The following SLC44A1 variants were observed in gnomAD, a reference collection of about 807,000 sequenced individuals.
SLC44A1 encodes the protein solute carrier family 44 member 1.
SLC44A1 carries 26 observed loss-of-function variants against 79.3 expected under a neutral mutation model. The ratio of observed to expected loss-of-function variants is 0.33; its 90% CI spans 0.24 to 0.46. The LOEUF (loss-of-function observed/expected upper bound fraction) is 0.46. Among genes scored for constraint, SLC44A1 ranks in the 20% least tolerant of loss-of-function variants. The pLI, the probability that SLC44A1 is intolerant of heterozygous loss-of-function variation, is 1.00. For synonymous variants in SLC44A1, 263 were observed against 286.2 expected, an observed-to-expected ratio of 0.92 and a Z score of 0.82; for missense variants, 688 against 798.1, an observed-to-expected ratio of 0.86 and a Z score of 1.66.
chr9:105,288,638 C>T (rs1830531622), intron 1 of SLC44A1, among the ~76,000 whole-genome samples: 1 of 152,224 alleles, frequency 6.6e-6, no homozygotes, highest in Non-Finnish European at 1.5e-5. Flanking sequence ...CATGAGCCAC[C>T]ATGCCTGGTC....
intron 15 of SLC44A1, among the ~76,000 whole-genome samples, chr9:105,426,538 T>A (rs1203448767): frequency 6.6e-6 from 1 of 152,188 alleles, no homozygotes; most frequent in African/African-American, 2.4e-5. Flanking sequence ...TTGAGCAGCT[T>A]TTAGGAGTGA....
chr9:105,332,514 C>A (rs1039798840), intron 3 of SLC44A1, among the ~76,000 whole-genome samples: 18 of 152,118 alleles, frequency 1.2e-4, no homozygotes, highest in Middle Eastern at 3.2e-3. Flanking sequence ...ATGTGTATTT[C>A]TTATTCAAAT....
At chr9:105,265,712 C>A (rs1017168878) in intron 1 of SLC44A1, among the ~76,000 whole-genome samples, 2 of 152,194 alleles carry the variant, frequency 1.3e-5, no homozygotes, top group African/African-American at 4.8e-5. Flanking sequence ...TGGGCTGTAC[C>A]ATTGTGCATT....
Position 105,332,309 on chromosome 9 carries a change from G to A in SLC44A1, c.270-3254G>A, listed in dbSNP as rs1269729174. On this transcript the variant is annotated intron_variant, in intron 3 of 15. Transcript: ENST00000374720. ...TAATTTTTGTGTTTTTGGTAGAGAT[G>A]GGGTTTCACCATGTTGTCCAGGCTT... Among the ~76,000 whole-genome samples the A allele has an allele frequency of 3.3e-5, 5 of 151,790 alleles. No individual in the cohort carries two copies. The South Asian group carries it at 6.2e-4, about 19-fold the overall frequency.
chr9:105,370,183 C>G (rs1377339643), intron 12 of SLC44A1, among the ~76,000 whole-genome samples: 1 of 152,180 alleles, frequency 6.6e-6, no homozygotes, highest in East Asian at 1.9e-4. Flanking sequence ...ACAAAGGACT[C>G]CGAAATTCTT....
chr9:105,365,386 A>T, intron 10 of SLC44A1, 97 bp from the exon 11 acceptor site: 1 of 830,492 alleles, frequency 1.2e-6, no homozygotes, highest in African/African-American at 1.7e-5. Context: ...TGATGAGCTG[A>T]TTTTTTTTTT....
chr9:105,390,256 A>C lies in SLC44A1; in HGVS notation c.*1200A>C, dbSNP rs1828729102. The stretch of plus-strand genomic sequence containing the variant: ...AATACTCCATTGTTCTGCTTGTTGT[A>C]ATGGTGAATGCTTTAAGAAAAAAAA... On this transcript the variant is annotated 3_prime_UTR_variant, in exon 16 of 16. Transcript: ENST00000374720. 9.4e-7 allele frequency: 1 copy of C among 1,059,074 alleles called. No homozygotes were observed. The highest frequency in any genetic ancestry group is 1.1e-6 in the Non-Finnish European group (1 of 878,224). The allele number at this position is 1,059,074 out of a possible 1,614,324, so 65.6% of individuals were successfully genotyped here.
rs1198932266 is a variant in SLC44A1 at position 105,393,858 on chromosome 9, C to G, written c.*4802C>G. 1.0e-6 allele frequency: 1 copy of G among 984,218 alleles called. No homozygotes were observed. Among genetic ancestry groups the G allele is most frequent in the African/African-American group, 1.7e-5 (1 of 57,174 alleles). The allele number at this position is 984,218 out of a possible 1,614,324, so 61.0% of individuals were successfully genotyped here. A position where few individuals can be genotyped will look rare whatever the true frequency, so the allele number is the denominator to read the frequency against. On this transcript the variant is annotated 3_prime_UTR_variant, in exon 16 of 16. Coordinates refer to ENST00000374720, the MANE Select transcript of SLC44A1 (RefSeq NM_080546.5). Reference sequence around the variant, plus strand: ...AAATGATTTTCTCCAGGACACGGAGCTCAGAATAATAAAGCTTTTATTAAT... The same window carrying G: ...AAATGATTTTCTCCAGGACACGGAGGTCAGAATAATAAAGCTTTTATTAAT...
At chr9:105,410,950 T>C (rs1232619054) in intron 15 of SLC44A1, among the ~76,000 whole-genome samples, 1 of 152,212 alleles carries the variant, frequency 6.6e-6, no homozygotes, top group Non-Finnish European at 1.5e-5. Context: ...CCACATATTG[T>C]ATGATTCCAT....
intron 1 of SLC44A1, among the ~76,000 whole-genome samples, chr9:105,263,599 C>T (rs1460077594): frequency 2.7e-5 from 4 of 149,598 alleles, no homozygotes; most frequent in African/African-American, 7.4e-5. Flanking sequence ...TGCAATGGCG[C>T]GATCTTGGCT....
rs1435841133 is a variant in SLC44A1, at chr9:105,369,898, A to G, written c.1494+3469A>G. Among the ~76,000 whole-genome samples, 3 of 152,350 alleles carry G rather than the reference A, an allele frequency of 2.0e-5. No homozygotes were observed. In the East Asian group the frequency reaches 5.8e-4, roughly 29 times the overall value. The stretch of plus-strand genomic sequence containing the variant: ...ACTTTTTAACTATATCCCATCACAC[A>G]AAAGTACAACCAGGGATTGCGTAGG... On this transcript the variant is annotated intron_variant, in intron 12 of 15. Coordinates refer to ENST00000374720, the MANE Select transcript of SLC44A1 (RefSeq NM_080546.5).
chr9:105,424,762 C>T (rs963976029), intron 15 of SLC44A1, among the ~76,000 whole-genome samples: 2 of 152,014 alleles, frequency 1.3e-5, no homozygotes, highest in African/African-American at 4.8e-5. Context: ...GCCTGGCCAA[C>T]AAGGTGAAAC....
At chr9:105,356,178 T>C in intron 5 of SLC44A1, 34 bp from the exon 6 acceptor site, 1 of 1,575,078 alleles carries the variant, frequency 6.3e-7, no homozygotes, top group African/African-American at 1.4e-5. Context: ...GTAGGAGTAA[T>C]TTTTTTTCTG....
At chr9:105,367,570 AT>A (rs1297393507) in intron 12 of SLC44A1, among the ~76,000 whole-genome samples, 3 of 152,156 alleles carry the variant, frequency 2.0e-5, no homozygotes, top group Non-Finnish European at 4.4e-5. Context: ...TCATAATTGC[AT>A]TTTTATACCC....
intron 4 of SLC44A1, among the ~76,000 whole-genome samples, chr9:105,338,142 C>T (rs989082447): frequency 6.6e-6 from 1 of 152,058 alleles, no homozygotes; most frequent in Non-Finnish European, 1.5e-5. Context: ...ATAGAGAAGA[C>T]AAAATTTTAA....
chr9:105,363,170 C>CTTT (rs35157236), intron 9 of SLC44A1, among the ~76,000 whole-genome samples, 163 bp downstream of exon 9: 29 of 149,184 alleles, frequency 1.9e-4, no homozygotes, highest in African/African-American at 6.9e-4. Context: ...TCATATTCGT[C>CTTT]TTTTTTTTTT....
In SLC44A1 at chr9:105,415,084, A is replaced by G. The variant is rs144811665; in HGVS notation, c.1951-23197A>G. Among the ~76,000 whole-genome samples, 425 of 152,292 alleles carry G rather than the reference A, an allele frequency of 2.8e-3. 4 individuals are homozygous for G. The highest frequency in any genetic ancestry group is 9.8e-3 in the African/African-American group (409 of 41,566). ...CCTGAGATAGGAGGATGAGCTGCAC[A>G]ACTTTGTGAAGGTAGCCAAGGGTAA... On this transcript the variant is annotated intron_variant, in intron 15 of 15. Transcript: ENST00000374724.
At chr9:105,398,874 G>A (rs1326221552), downstream of SLC44A1, among the ~76,000 whole-genome samples, 2 of 152,200 alleles carry the variant, frequency 1.3e-5, no homozygotes, top group Non-Finnish European at 2.9e-5. Context: ...CACACTGGAA[G>A]AGGAAGAATT....
At chr9:105,358,525 A>C in intron 7 of SLC44A1, 92 bp downstream of exon 7, 1 of 759,924 alleles carries the variant, frequency 1.3e-6, no homozygotes, top group Non-Finnish European at 2.3e-6. Context: ...TTATATTTTC[A>C]CAAGCTATAT....
Sources: gnomAD v4.1 joint callset for allele counts (sites outside exome capture counted in the v4.1 genomes callset) on GRCh38, gnomAD v4.1.1 for gene constraint, MANE v1.5 for transcripts, NCBI Gene and HGNC (gene_info 2026-07-23, HGNC 2026-07-21) for gene names.